Variants in MAP4K3 observed in about 807,000 individuals in gnomAD.
The protein encoded by MAP4K3 is MAPK/ERK kinase kinase kinase 3.
Under a neutral mutation model 143.5 loss-of-function variants are expected in MAP4K3, and 94 were observed. That is an observed-to-expected ratio of 0.65 (90% confidence interval 0.55 to 0.78). MAP4K3 has a LOEUF of 0.78. Among genes scored for constraint, MAP4K3 ranks in the 30% least tolerant of loss-of-function variants. MAP4K3 has a pLI of 0.00. For synonymous variants in MAP4K3, 416 were observed against 347.2 expected (o/e 1.20, Z -2.20); for missense variants, 1,077 against 1,068.1 (o/e 1.01, Z -0.12).
intron 1 of MAP4K3, among the ~76,000 whole-genome samples, chr2:39,412,448 T>C (rs1439334811): frequency 6.6e-6 from 1 of 152,010 alleles, no homozygotes; most frequent in Non-Finnish European, 1.5e-5. Flanking sequence ...TACATTCCAG[T>C]TAAGGGAAAT....
intron 1 of MAP4K3, among the ~76,000 whole-genome samples, chr2:39,389,518 A>G (rs1666596967): frequency 1.3e-5 from 2 of 152,294 alleles, no homozygotes; most frequent in South Asian, 4.1e-4. Context: ...AAACTAAAGA[A>G]AAAGAAGTGA....
intron 2 of MAP4K3, among the ~76,000 whole-genome samples, chr2:39,376,927 G>GA (rs1363078952): frequency 6.6e-6 from 1 of 152,080 alleles, no homozygotes; most frequent in African/African-American, 2.4e-5. Context: ...AGGAGATTCA[G>GA]AAAAAAGATA....
chr2:39,336,803 T>A, intron 6 of MAP4K3, 117 bp downstream of exon 6: 1 of 445,952 alleles, frequency 2.2e-6, no homozygotes, highest in Non-Finnish European at 4.0e-6. Flanking sequence ...ATCACTCATT[T>A]TTATTATGGT....
At chr2:39,432,179 C>T (rs1367951324) in intron 1 of MAP4K3, among the ~76,000 whole-genome samples, 1 of 152,154 alleles carries the variant, frequency 6.6e-6, no homozygotes, top group Non-Finnish European at 1.5e-5. Context: ...TGTATGATGG[C>T]TGTTCAATGT....
chr2:39,385,592 A>ATT (rs1553422505), intron 1 of MAP4K3, among the ~76,000 whole-genome samples: 6 of 118,804 alleles, frequency 5.1e-5, no homozygotes, highest in African/African-American at 2.0e-4. Flanking sequence ...ATATATATAT[A>ATT]TTCTATATAT....
At chr2:39,318,020 A>G (rs532629580) in intron 12 of MAP4K3, among the ~76,000 whole-genome samples, 2 of 152,264 alleles carry the variant, frequency 1.3e-5, no homozygotes, top group Admixed American at 1.3e-4. Flanking sequence ...TAAATGCCCA[A>G]CAACAGTAGA....
chr2:39,341,801 T>A (rs1665148019), intron 4 of MAP4K3, among the ~76,000 whole-genome samples: 1 of 152,148 alleles, frequency 6.6e-6, no homozygotes, highest in Admixed American at 6.5e-5. Flanking sequence ...CTAGAAATAC[T>A]GTTTTGTCAT....
rs1680081859 is a variant in MAP4K3 at position 39,249,852 on chromosome 2, G to A, written c.*766C>T. On this transcript the variant is annotated 3_prime_UTR_variant, in exon 34 of 34. Transcript: ENST00000263881. ...TTCAAAGGTATTGTTTTTAAGCAAA[G>A]ACAAGCAATCTTACAGGATTCTGCT... 1 of 152,498 alleles carries A rather than the reference G, an allele frequency of 6.6e-6. No homozygotes were observed. The highest frequency in any genetic ancestry group is 1.5e-5 in the Non-Finnish European group (1 of 68,014). 9.4% of individuals were successfully genotyped at this position (152,498 alleles called of 1,614,324 possible).
At chr2:39,427,300 T>A (rs1237865489) in intron 1 of MAP4K3, among the ~76,000 whole-genome samples, 1 of 151,886 alleles carries the variant, frequency 6.6e-6, no homozygotes, top group Non-Finnish European at 1.5e-5. Flanking sequence ...CCTTATACAG[T>A]TCCTCACTTA....
At chr2:39,375,925 G>T (rs533727402) in intron 2 of MAP4K3, among the ~76,000 whole-genome samples, 29 of 152,222 alleles carry the variant, frequency 1.9e-4, no homozygotes, top group African/African-American at 7.0e-4. Flanking sequence ...TGTTTTTATT[G>T]TTGAATAGTA....
At chr2:39,271,617 G>A (rs562733960) in intron 26 of MAP4K3, among the ~76,000 whole-genome samples, 1 of 152,246 alleles carries the variant, frequency 6.6e-6, no homozygotes, top group South Asian at 2.1e-4. Context: ...ACTGAGACAC[G>A]GTCTTGCCTT....
chr2:39,417,168 A>G (rs1420229967), intron 1 of MAP4K3, among the ~76,000 whole-genome samples: 1 of 151,974 alleles, frequency 6.6e-6, no homozygotes, highest in Non-Finnish European at 1.5e-5. Context: ...ACTGAGATTG[A>G]GCAAATTCAT....
chr2:39,345,641 C>T (rs1388783036), intron 3 of MAP4K3, among the ~76,000 whole-genome samples: 3 of 152,168 alleles, frequency 2.0e-5, no homozygotes, highest in Non-Finnish European at 4.4e-5. Context: ...AAGAGTGGGC[C>T]AGATGCAGTG....
intron 31 of MAP4K3, among the ~76,000 whole-genome samples, chr2:39,256,368 T>G (rs570125459): frequency 1.3e-5 from 2 of 152,340 alleles, no homozygotes; most frequent in African/African-American, 4.8e-5. Context: ...GGGAATTAAT[T>G]TGATCATTAA....
At chr2:39,373,502 C>T (rs1666136452) in intron 2 of MAP4K3, among the ~76,000 whole-genome samples, 1 of 152,152 alleles carries the variant, frequency 6.6e-6, no homozygotes, top group Non-Finnish European at 1.5e-5. Flanking sequence ...TTTACTGCAG[C>T]ACTATTCACA....
chr2:39,275,197 A>G (rs1681196504), intron 24 of MAP4K3, among the ~76,000 whole-genome samples: 1 of 152,200 alleles, frequency 6.6e-6, no homozygotes, highest in Admixed American at 6.5e-5. Context: ...CCTTCTCTCA[A>G]GAGTCCTGGC....
At chr2:39,325,441 G>A (rs1683454977) in intron 12 of MAP4K3, 77 bp downstream of exon 12, 2 of 903,378 alleles carry the variant, frequency 2.2e-6, no homozygotes, top group African/African-American at 3.4e-5. Flanking sequence ...AATGGATTTT[G>A]AGACGTACAT....
intron 1 of MAP4K3, among the ~76,000 whole-genome samples, chr2:39,431,390 C>T (rs2148639001): frequency 6.6e-6 from 1 of 152,136 alleles, no homozygotes; most frequent in Admixed American, 6.6e-5. Flanking sequence ...TATCTTTTCT[C>T]ATTCTAAAGA....
At chr2:39,412,149 G>A (rs1285651298) in intron 1 of MAP4K3, among the ~76,000 whole-genome samples, 1 of 152,154 alleles carries the variant, frequency 6.6e-6, no homozygotes, top group African/African-American at 2.4e-5. Flanking sequence ...TGCCAAATAA[G>A]ACCAAAATAA....
Sources: gnomAD v4.1 joint callset for allele counts (sites outside exome capture counted in the v4.1 genomes callset) on GRCh38, gnomAD v4.1.1 for gene constraint, MANE v1.5 for transcripts, NCBI Gene and HGNC (gene_info 2026-07-23, HGNC 2026-07-21) for gene names.